Variants in CDK2 observed in about 807,000 individuals in gnomAD.
CDK2 encodes the protein cyclin dependent kinase 2.
In CDK2, 8 loss-of-function variants were observed where a neutral mutation model predicts 35.0. That is an observed-to-expected ratio of 0.23 (90% CI 0.13 to 0.41). The LOEUF (loss-of-function observed/expected upper bound fraction) is 0.41, where lower values mean the gene tolerates loss of function less well. Among genes scored for constraint, CDK2 ranks in the 10% least tolerant of loss-of-function variants. CDK2 has a pLI of 1.00. For missense variants in CDK2, 201 were observed against 367.1 expected, an observed-to-expected ratio of 0.55 and a Z score of 3.70; for synonymous variants, 134 against 137.7, an observed-to-expected ratio of 0.97 and a Z score of 0.19.
At chr12:55,967,202 C>T (rs995212755) in intron 1 of CDK2, 78 bp downstream of exon 1, 3 of 1,071,594 alleles carry the variant, frequency 2.8e-6, no homozygotes. Flanking sequence ...GGGCGGGTAG[C>T]CGTCCAGGGA....
Position 55,969,595 on chromosome 12 carries a change from G to C in CDK2, c.588+19G>C, listed in dbSNP as rs1485885562. ...TGAGATGGTATGGAGGCTTGCCCAA[G>C]TTCCACCCAGCCCCCTCCCTCTCCT... On this transcript the variant is annotated intron_variant, in intron 5 of 6. Coordinates refer to ENST00000266970, the MANE Select transcript of CDK2 (RefSeq NM_001798.5). 6.8e-7 allele frequency: 1 copy of C among 1,464,660 alleles called. No individual in the cohort carries two copies. Among genetic ancestry groups the C allele is most frequent in the East Asian group, 2.4e-5 (1 of 42,262 alleles). The allele number at this position is 1,464,660 out of a possible 1,614,324, so 90.7% of individuals were successfully genotyped here. A position where few individuals can be genotyped will look rare whatever the true frequency, so the allele number is the denominator to read the frequency against.
intron 5 of CDK2, 128 bp downstream of exon 5, chr12:55,969,704 C>T (rs1264157623): frequency 7.9e-6 from 4 of 507,592 alleles, no homozygotes; most frequent in Non-Finnish European, 1.4e-5. Flanking sequence ...AAAGTAGCAC[C>T]AAGGGGAATG....
Position 55,971,656 on chromosome 12 carries a change from C to G in CDK2, c.*31C>G, listed in dbSNP as rs1431639436. The G allele has an allele frequency of 1.3e-6, 2 of 1,494,644 alleles. No individual in the cohort carries two copies. Among genetic ancestry groups the G allele is most frequent in the Admixed American group, 1.7e-5 (1 of 59,810 alleles). The allele number at this position is 1,494,644 out of a possible 1,614,324, so 92.6% of individuals were successfully genotyped here. A position where few individuals can be genotyped will look rare whatever the true frequency, so the allele number is the denominator to read the frequency against. On this transcript the variant is annotated 3_prime_UTR_variant, in exon 7 of 7. Transcript: ENST00000266970. ...TTCTTGAAGCCCCCAGCCCTAATCT[C>G]ACCCTCTCCTCCAGTGTGGGCTTGA...
At position 55,967,937 on chromosome 12, in the gene CDK2, A is replaced by G; in HGVS notation, c.194+3A>G. ...CTTAACCATCCTAATATTGTCAAGT[A>G]AGTATGCGTCTGAGAGGTGATCCAG... On this transcript the variant is annotated splice_donor_region_variant and intron_variant, in intron 2 of 6. Transcript: ENST00000266970. 6.2e-7 allele frequency: 1 copy of G among 1,613,930 alleles called. No individual in the cohort carries two copies. The highest frequency in any genetic ancestry group is 1.6e-4 in the Middle Eastern group (1 of 6,062).
rs998995647 is a variant in CDK2, at chr12:55,971,926, T to A, written c.*301T>A. ...AATTTTAAAAAAGCCTTCCTACACGTTAGATTTGCCGTACCAATCTCTGAA... is the reference window on the plus strand; with the variant it reads ...AATTTTAAAAAAGCCTTCCTACACGATAGATTTGCCGTACCAATCTCTGAA... On this transcript the variant is annotated 3_prime_UTR_variant, in exon 7 of 7. Transcript: ENST00000266970. The A allele has an allele frequency of 3.3e-6, 1 of 304,362 alleles. No homozygotes were observed. The highest frequency in any genetic ancestry group is 6.1e-6 in the Non-Finnish European group (1 of 163,948). 18.9% of individuals were successfully genotyped at this position (304,362 alleles called of 1,614,324 possible). A position where few individuals can be genotyped will look rare whatever the true frequency, so the allele number is the denominator to read the frequency against.
chr12:55,968,409 G>C, intron 3 of CDK2: 1 of 519,090 alleles, frequency 1.9e-6, no homozygotes, highest in Non-Finnish European at 3.4e-6. Context: ...TGGGAGGTCA[G>C]ATGAAACTCA....
chr12:55,972,012 A>G lies in CDK2; in HGVS notation c.*387A>G. On this transcript the variant is annotated 3_prime_UTR_variant, in exon 7 of 7. Coordinates refer to ENST00000266970, the MANE Select transcript of CDK2 (RefSeq NM_001798.5). ...CCAGGATCCCAAGCCTCCTGCTGCC[A>G]CAATGTTTATAAAGGCCAAATGATA... 1 of 186,010 alleles carries G rather than the reference A, an allele frequency of 5.4e-6. No homozygotes were observed. Among genetic ancestry groups the G allele is most frequent in the East Asian group, 1.5e-4 (1 of 6,482 alleles). 11.5% of individuals were successfully genotyped at this position (186,010 alleles called of 1,614,324 possible). A position where few individuals can be genotyped will look rare whatever the true frequency, so the allele number is the denominator to read the frequency against.
Position 55,969,507 on chromosome 12 carries a change from C to A in CDK2, c.519C>A (p.Ile173=), listed in dbSNP as rs769659872. The A allele has an allele frequency of 3.7e-6, 6 of 1,610,644 alleles. No individual in the cohort carries two copies. Among genetic ancestry groups the A allele is most frequent in the Non-Finnish European group, 5.1e-6 (6 of 1,178,318 alleles). Residue 173 remains isoleucine, a synonymous_variant, in exon 5 of 7, where the codon ATC becomes ATA. Transcript: ENST00000266970. The part of the protein sequence containing the change: ...VVTLWYRAPE[I]LLGCKYYSTA... ...CCCTGTGGTACCGAGCTCCTGAAAT[C>A]CTCCTGGGCTGCAAATATTATTCCA...
At chr12:55,967,685 A>C in intron 1 of CDK2, 172 bp from the exon 2 acceptor site, 1 of 616,902 alleles carries the variant, frequency 1.6e-6, no homozygotes. Context: ...TAATATATCC[A>C]AAAACCACAC....
rs2069409 is a variant in CDK2, at chr12:55,970,560, G to A, written c.589-484G>A. The A allele has an allele frequency of 2.5e-3, 1,713 of 698,904 alleles. 49 individuals are homozygous for A. Among genetic ancestry groups the A allele is most frequent in the South Asian group, 0.024 (1,635 of 67,190 alleles). The allele number at this position is 698,904 out of a possible 1,614,324, so 43.3% of individuals were successfully genotyped here. A position where few individuals can be genotyped will look rare whatever the true frequency, so the allele number is the denominator to read the frequency against. On this transcript the variant is annotated intron_variant, in intron 5 of 6. Transcript: ENST00000266970. ...CCAGTGCATTACCTTACAATTGTCC[G>A]TATTCCTCTCTCAATTCATCAAAAA...
At position 55,971,007 on chromosome 12, in the gene CDK2, A is replaced by G. The variant is rs754934032; in HGVS notation, c.589-37A>G. On this transcript the variant is annotated intron_variant, in intron 5 of 6. Coordinates refer to ENST00000266970, the MANE Select transcript of CDK2 (RefSeq NM_001798.5). ...TAGAGGAGAGTTTTGACTGACGTCA[A>G]CGTGGGTCTTGGTATTTCCTCTTTC... is the stretch of plus-strand genomic sequence containing the variant. 3.8e-6 allele frequency: 6 copies of G among 1,579,990 alleles called. No individual in the cohort carries two copies. The African/African-American group carries it at 6.7e-5, about 18-fold the overall frequency.
chr12:55,970,215 G>A (rs866756332), intron 5 of CDK2, among the ~76,000 whole-genome samples: 4 of 149,888 alleles, frequency 2.7e-5, no homozygotes, highest in Non-Finnish European at 4.4e-5. Context: ...GGTTGAACCC[G>A]GGAGATGGAG....
rs1157590519 is a variant in CDK2 at position 55,968,811 on chromosome 12, T to A, written c.349T>A (p.Phe117Ile). Residue 117 changes from phenylalanine to isoleucine, a missense_variant, in exon 4 of 7, where the codon TTC becomes ATC. Coordinates refer to ENST00000266970, the MANE Select transcript of CDK2 (RefSeq NM_001798.5). The stretch of plus-strand genomic sequence containing the variant: ...GTTCCAGCTGCTCCAGGGCCTAGCT[T>A]TCTGCCATTCTCATCGGGTCCTCCA... Reference protein sequence around the residue: ...YLFQLLQGLAFCHSHRVLHRD... With the variant: ...YLFQLLQGLAICHSHRVLHRD... The A allele has an allele frequency of 1.2e-5, 19 of 1,608,646 alleles. No homozygotes were observed. The Admixed American group carries it at 3.2e-4, about 27-fold the overall frequency.
At chr12:55,968,346 T>A (rs1565780811) in intron 3 of CDK2, 177 bp downstream of exon 3, 1 of 658,948 alleles carries the variant, frequency 1.5e-6, no homozygotes, top group Admixed American at 3.1e-5. Flanking sequence ...AACCCTAGGG[T>A]TGGACTGAAC....
intron 5 of CDK2, 84 bp from the exon 6 acceptor site, chr12:55,970,960 T>C (rs747828094): frequency 2.5e-6 from 3 of 1,188,852 alleles, no homozygotes; most frequent in Non-Finnish European, 3.8e-6. Context: ...GACCTTTTAC[T>C]GTCTGTGGGA....
chr12:55,971,344 G>A (rs1195681816), intron 6 of CDK2, 97 bp downstream of exon 6: 4 of 1,271,760 alleles, frequency 3.1e-6, no homozygotes, highest in Non-Finnish European at 4.6e-6. Flanking sequence ...GGGCCTCAGT[G>A]TTTCATTTCC....
rs1565781987 is a variant in CDK2 at position 55,971,130 on chromosome 12, G to C, written c.675G>C (p.Val225=). 18 of 1,614,128 alleles carry C rather than the reference G, an allele frequency of 1.1e-5. No homozygotes were observed. Among genetic ancestry groups the C allele is most frequent in the Non-Finnish European group, 1.5e-5 (18 of 1,180,010 alleles). ...IFRTLGTPDE[V]VWPGVTSMPD... is the part of the protein sequence containing the mutation. ...GGACTCTGGGGACCCCAGATGAGGT[G>C]GTGTGGCCAGGAGTTACTTCTATGC... is the stretch of plus-strand genomic sequence containing the variant. Residue 225 remains valine, a synonymous_variant, in exon 6 of 7, where the codon GTG becomes GTC. Transcript: ENST00000266970.
Position 55,971,778 on chromosome 12 carries a change from A to G in CDK2, c.*153A>G. On this transcript the variant is annotated 3_prime_UTR_variant, in exon 7 of 7. Transcript: ENST00000266970. ...CTTGGCCAGCCAACTCTGGGAATACAGGGGTGAAAGGGGGGAACCAGTGAA... is the reference window on the plus strand; with the variant it reads ...CTTGGCCAGCCAACTCTGGGAATACGGGGGTGAAAGGGGGGAACCAGTGAA... 1 of 597,130 alleles carries G rather than the reference A, an allele frequency of 1.7e-6. No homozygotes were observed. 37.0% of individuals were successfully genotyped at this position (597,130 alleles called of 1,614,324 possible). A position where few individuals can be genotyped will look rare whatever the true frequency, so the allele number is the denominator to read the frequency against.
chr12:55,969,640 A>T (rs1184819761), intron 5 of CDK2, 64 bp downstream of exon 5: 1 of 900,718 alleles, frequency 1.1e-6, no homozygotes, highest in Non-Finnish European at 1.8e-6. Context: ...CAAGAACAAC[A>T]GAACTGCTTC....
Sources: allele counts gnomAD v4.1 joint callset (sites outside exome capture counted in the v4.1 genomes callset), GRCh38; gene constraint gnomAD v4.1.1; transcripts MANE v1.5; gene names NCBI Gene and HGNC (gene_info 2026-07-23, HGNC 2026-07-21).